UBE2J1: variants seen among roughly 807,000 people sequenced by gnomAD.
The protein encoded by UBE2J1 is ubiquitin-conjugating enzyme E2 J1.
Under a neutral mutation model 42.1 loss-of-function variants are expected in UBE2J1, and 17 were observed. That is an observed-to-expected ratio of 0.40 (90% confidence interval 0.28 to 0.61). The LOEUF is 0.61. Among genes scored for constraint, UBE2J1 ranks in the 20% least tolerant of loss-of-function variants. UBE2J1 has a pLI of 0.38. For missense variants in UBE2J1, 291 were observed against 389.4 expected (o/e 0.75, Z 2.13); for synonymous variants, 127 against 137.2 (o/e 0.93, Z 0.52).
chr6:89,341,323 TA>T lies in UBE2J1; in HGVS notation c.237+1000del, dbSNP rs547862151. On this transcript the variant is annotated intron_variant, in intron 3 of 7. Transcript: ENST00000435041. ...GAAAAATAGGCACAGCTTAAAGTGA[TA>T]ACAGATACAGGGAATGGTTTTTGTG... Among the ~76,000 whole-genome samples, 3 of 152,362 alleles carry T rather than the reference TA, an allele frequency of 2.0e-5. 1 individual carries two copies. Among genetic ancestry groups the T allele is most frequent in the African/African-American group, 7.2e-5 (3 of 41,590 alleles).
In UBE2J1 at chr6:89,352,619, T is replaced by C. The variant is rs1157506597; in HGVS notation, c.-50A>G. 5 of 1,522,322 alleles carry C rather than the reference T, an allele frequency of 3.3e-6. No homozygotes were observed. Among genetic ancestry groups the C allele is most frequent in the Non-Finnish European group, 3.5e-6 (4 of 1,141,800 alleles). The allele number at this position is 1,522,322 out of a possible 1,614,324, so 94.3% of individuals were successfully genotyped here. On this transcript the variant is annotated 5_prime_UTR_variant, in exon 1 of 8. Coordinates refer to ENST00000435041, the MANE Select transcript of UBE2J1 (RefSeq NM_016021.3). The stretch of plus-strand genomic sequence containing the variant: ...CCTCCCGGGCCGCTGCCACCTCCTC[T>C]CCACGCGGCCGCTGCCCGGGTCTCA...
intron 4 of UBE2J1, 71 bp downstream of exon 4, chr6:89,338,386 CAG>C: frequency 6.4e-7 from 1 of 1,567,414 alleles, no homozygotes. Flanking sequence ...AAGAAAAAAT[CAG>C]AGTATTATAC....
intron 3 of UBE2J1, among the ~76,000 whole-genome samples, chr6:89,339,040 T>C (rs981566265): frequency 1.3e-5 from 2 of 152,160 alleles, no homozygotes; most frequent in African/African-American, 2.4e-5. Context: ...AAATACTTGT[T>C]GGATGCTGAA....
rs1333132102 is a variant in UBE2J1 at position 89,328,929 on chromosome 6, G to C, written c.*750C>G. Reference sequence around the variant, plus strand: ...TTTAACTTCTGGAAGAAAACCAAGCGATCTCCTGGCTTGGGCCCTTTCTTC... The same window carrying C: ...TTTAACTTCTGGAAGAAAACCAAGCCATCTCCTGGCTTGGGCCCTTTCTTC... On this transcript the variant is annotated 3_prime_UTR_variant, in exon 8 of 8. Transcript: ENST00000435041. The C allele has an allele frequency of 1.3e-5, 2 of 152,214 alleles. No homozygotes were observed. Among genetic ancestry groups the C allele is most frequent in the Middle Eastern group, 3.4e-3 (1 of 294 alleles). The allele number at this position is 152,214 out of a possible 1,614,324, so 9.4% of individuals were successfully genotyped here.
At position 89,338,980 on chromosome 6, in the gene UBE2J1, T is replaced by A. The variant is rs188662015; in HGVS notation, c.238-437A>T. Among the ~76,000 whole-genome samples, 569 of 151,702 alleles carry A rather than the reference T, an allele frequency of 3.8e-3. 1 individual carries two copies. The highest frequency in any genetic ancestry group is 0.013 in the African/African-American group (541 of 41,490). ...GCGCCCGGCCAAAAAGATTTTTTTTTAAATGTAACCTCTCATGGGACACAG... is the reference window on the plus strand; with the variant it reads ...GCGCCCGGCCAAAAAGATTTTTTTTAAAATGTAACCTCTCATGGGACACAG... On this transcript the variant is annotated intron_variant, in intron 3 of 7. Transcript: ENST00000435041.
chr6:89,344,696 T>C (rs1232643845), intron 1 of UBE2J1, among the ~76,000 whole-genome samples: 1 of 152,238 alleles, frequency 6.6e-6, no homozygotes, highest in Non-Finnish European at 1.5e-5. Flanking sequence ...CCCACATTTC[T>C]CTAGTAGGCC....
At position 89,352,716 on chromosome 6, in the gene UBE2J1, G is replaced by C; in HGVS notation, c.-147C>G. ...CCGCCCAGTCCAGCCTGGACTGCGG[G>C]CGGGGTGGCAAGGCTGAGTGCGGGC... On this transcript the variant is annotated 5_prime_UTR_variant, in exon 1 of 8. Coordinates refer to ENST00000435041, the MANE Select transcript of UBE2J1 (RefSeq NM_016021.3). The C allele has an allele frequency of 3.4e-6, 3 of 887,500 alleles. No individual in the cohort carries two copies. The highest frequency in any genetic ancestry group is 4.7e-6 in the Non-Finnish European group (3 of 640,692). 55.0% of individuals were successfully genotyped at this position (887,500 alleles called of 1,614,324 possible).
chr6:89,338,127 A>G, intron 5 of UBE2J1, 78 bp downstream of exon 5: 11 of 901,492 alleles, frequency 1.2e-5, no homozygotes, highest in Non-Finnish European at 1.7e-5. Context: ...TCACATAGTA[A>G]GAGGTAGGCC....
chr6:89,336,471 T>TA (rs1195558850), intron 5 of UBE2J1, among the ~76,000 whole-genome samples: 2 of 23,586 alleles, frequency 8.5e-5, no homozygotes, highest in Non-Finnish European at 1.7e-4. Flanking sequence ...TTATTTTATT[T>TA]TATTTTTTTT....
rs1767962785 is a variant in UBE2J1, at chr6:89,329,541, T to C, written c.*138A>G. ...CAGTCTGAATGTCTAGATATATTTA[T>C]ACTAAACTTACAAGGATCAAAAAAA... is the stretch of plus-strand genomic sequence containing the variant. On this transcript the variant is annotated 3_prime_UTR_variant, in exon 8 of 8. Coordinates refer to ENST00000435041, the MANE Select transcript of UBE2J1 (RefSeq NM_016021.3). 1 of 909,516 alleles carries C rather than the reference T, an allele frequency of 1.1e-6. No homozygotes were observed. Among genetic ancestry groups the C allele is most frequent in the Non-Finnish European group, 1.7e-6 (1 of 603,926 alleles). The allele number at this position is 909,516 out of a possible 1,614,324, so 56.3% of individuals were successfully genotyped here.
At position 89,329,114 on chromosome 6, in the gene UBE2J1, ATGTT is replaced by A. The variant is rs1562407993; in HGVS notation, c.*561_*564del. On this transcript the variant is annotated 3_prime_UTR_variant, in exon 8 of 8. Transcript: ENST00000435041. The stretch of plus-strand genomic sequence containing the variant: ...AAGATGTGATCTCATTTCCTCATAA[ATGTT>A]TGACTGAAATAAAATTATTTTCACT... 6.5e-6 allele frequency: 1 copy of A among 153,174 alleles called. No homozygotes were observed. The highest frequency in any genetic ancestry group is 1.5e-5 in the Non-Finnish European group (1 of 68,876). 9.5% of individuals were successfully genotyped at this position (153,174 alleles called of 1,614,324 possible). A position where few individuals can be genotyped will look rare whatever the true frequency, so the allele number is the denominator to read the frequency against.
intron 3 of UBE2J1, among the ~76,000 whole-genome samples, chr6:89,340,122 G>A (rs142982575): frequency 8.8e-4 from 134 of 152,258 alleles, no homozygotes; most frequent in African/African-American, 3.1e-3. Context: ...AAAGACATGG[G>A]GAGAAAGGCT....
At chr6:89,333,423 T>G (rs1006987586) in intron 6 of UBE2J1, among the ~76,000 whole-genome samples, 1 of 152,228 alleles carries the variant, frequency 6.6e-6, no homozygotes, top group Non-Finnish European at 1.5e-5. Context: ...AAGCCGTTAC[T>G]TGATGAGGGA....
intron 1 of UBE2J1, among the ~76,000 whole-genome samples, chr6:89,351,861 T>C (rs535475921): frequency 2.0e-5 from 3 of 152,212 alleles, no homozygotes; most frequent in Non-Finnish European, 2.9e-5. Context: ...TGGGACTGCT[T>C]GTGTAAATAT....
rs1197195777 is a variant in UBE2J1 at position 89,335,366 on chromosome 6, G to A, written c.494C>T (p.Ser165Phe). The change falls in exon 6 of 8, where the codon TCT becomes TTT. Residue 165 changes from serine to phenylalanine, a missense_variant. Transcript: ENST00000435041. ...GTCAGCTTGGCTTGAATCGCTTCCA[G>A]ATTTTAAAGGCAACAGGACATCCTT... Reference protein sequence around the residue: ...AMKDVLLPLKSGSDSSQADQE... With the variant: ...AMKDVLLPLKFGSDSSQADQE... The A allele has an allele frequency of 6.2e-7, 1 of 1,608,736 alleles. No individual in the cohort carries two copies. Among genetic ancestry groups the A allele is most frequent in the African/African-American group, 1.3e-5 (1 of 74,906 alleles).
rs552406159 is a variant in UBE2J1, at chr6:89,344,682, T to C, written c.32-926A>G. Among the ~76,000 whole-genome samples, 19 of 152,354 alleles carry C rather than the reference T, an allele frequency of 1.2e-4. 1 individual carries two copies. In the South Asian group the frequency reaches 3.9e-3, roughly 32 times the overall value. On this transcript the variant is annotated intron_variant, in intron 1 of 7. Coordinates refer to ENST00000435041, the MANE Select transcript of UBE2J1 (RefSeq NM_016021.3). ...TCTACTGGGATACAATGCCACCTAATGTCCCCACATTTCTCTAGTAGGCCT... is the reference window on the plus strand; with the variant it reads ...TCTACTGGGATACAATGCCACCTAACGTCCCCACATTTCTCTAGTAGGCCT...
chr6:89,336,847 T>G (rs1440570990), intron 5 of UBE2J1, among the ~76,000 whole-genome samples: 2 of 150,194 alleles, frequency 1.3e-5, no homozygotes, highest in African/African-American at 2.4e-5. Flanking sequence ...AAATCTTTGT[T>G]TTTTTTTTTT....
chr6:89,329,723 G>A lies in UBE2J1; in HGVS notation c.913C>T (p.Arg305Ter), dbSNP rs1470460404. The A allele has an allele frequency of 4.3e-6, 7 of 1,613,968 alleles. No homozygotes were observed. Among genetic ancestry groups the A allele is most frequent in the South Asian group, 2.2e-5 (2 of 91,080 alleles). ...ATGTATTCGTTTGCCAGATATATTC[G>A]TCGGAATATAAGAGCTGCCAATGCC... Reference protein sequence around the residue: ...TLALAALIFRRIYLANEYIFD... With the variant: ...TLALAALIFR The change falls in exon 8 of 8, where the codon CGA becomes TGA. Residue 305 changes from arginine (R) to a stop codon, truncating the protein, a stop_gained. Transcript: ENST00000435041. LOFTEE classifies it high-confidence loss of function.
rs1015206961 is a variant in UBE2J1 at position 89,328,801 on chromosome 6, G to A, written c.*878C>T. The A allele has an allele frequency of 6.6e-6, 1 of 152,138 alleles. No homozygotes were observed. The highest frequency in any genetic ancestry group is 2.1e-4 in the South Asian group (1 of 4,828). 9.4% of individuals were successfully genotyped at this position (152,138 alleles called of 1,614,324 possible). On this transcript the variant is annotated 3_prime_UTR_variant, in exon 8 of 8. Transcript: ENST00000435041. ...TATTTCAATATTATGCATATTCCTGGAATAATTAAAATTTATACTGATTAT... is the reference window on the plus strand; with the variant it reads ...TATTTCAATATTATGCATATTCCTGAAATAATTAAAATTTATACTGATTAT...
Sources: gnomAD v4.1 joint callset for allele counts (sites outside exome capture counted in the v4.1 genomes callset) on GRCh38, gnomAD v4.1.1 for gene constraint, MANE v1.5 for transcripts, NCBI Gene and HGNC (gene_info 2026-07-23, HGNC 2026-07-21) for gene names.